PTPN4: variants seen among roughly 807,000 people sequenced by gnomAD.
The protein encoded by PTPN4 is tyrosine-protein phosphatase non-receptor type 4.
PTPN4 carries 49 observed loss-of-function variants against 135.5 expected under a neutral mutation model. That is an observed-to-expected ratio of 0.36 (90% CI 0.29 to 0.46). The LOEUF (loss-of-function observed/expected upper bound fraction) is 0.46. Ranked by LOEUF, PTPN4 falls within the 20% of genes least tolerant of loss-of-function variation. The pLI is 1.00. For synonymous variants in PTPN4, 333 were observed against 369.9 expected, an observed-to-expected ratio of 0.90 and a Z score of 1.14; for missense variants, 860 against 1,101.0, an observed-to-expected ratio of 0.78 and a Z score of 3.10.
In PTPN4 at chr2:119,947,587, C is replaced by T. The variant is rs146264678; in HGVS notation, c.1656+1013C>T. Reference sequence around the variant, plus strand: ...CTCTACAGGAAACTTTTAAAATCATCGACTTTTCTGCTTTTCATCTGTTTC... The same window carrying T: ...CTCTACAGGAAACTTTTAAAATCATTGACTTTTCTGCTTTTCATCTGTTTC... On this transcript the variant is annotated intron_variant, in intron 18 of 26. Transcript: ENST00000263708. Among the ~76,000 whole-genome samples, 80 of 152,190 alleles carry T rather than the reference C, an allele frequency of 5.3e-4. 1 individual carries two copies. The East Asian group carries it at 0.014, about 26-fold the overall frequency.
At chr2:119,960,521 ATC>A (rs1679351298) in intron 22 of PTPN4, among the ~76,000 whole-genome samples, 1 of 152,218 alleles carries the variant, frequency 6.6e-6, no homozygotes, top group Non-Finnish European at 1.5e-5. Context: ...CACACCTGTA[ATC>A]TCAGCACTTT....
intron 2 of PTPN4, among the ~76,000 whole-genome samples, chr2:119,826,670 A>G (rs1677151078): frequency 6.6e-6 from 1 of 152,206 alleles, no homozygotes; most frequent in African/African-American, 2.4e-5. Context: ...TGACAGTGTC[A>G]AAGTTGGAAA....
Position 119,981,167 on chromosome 2 carries a change from GT to G in PTPN4, c.*4099del, listed in dbSNP as rs1280282073. The G allele has an allele frequency of 6.6e-6, 1 of 151,908 alleles. No individual in the cohort carries two copies. The highest frequency in any genetic ancestry group is 1.5e-5 in the Non-Finnish European group (1 of 67,910). The allele number at this position is 151,908 out of a possible 1,614,324, so 9.4% of individuals were successfully genotyped here. The stretch of plus-strand genomic sequence containing the variant: ...TTTATTTTGTGGTAGTTACTTTATA[GT>G]TCAGATGAATTTGCATTTCAGTCAC... On this transcript the variant is annotated 3_prime_UTR_variant, in exon 27 of 27. Transcript: ENST00000263708.
chr2:119,767,229 T>C (rs1690644459), intron 1 of PTPN4, among the ~76,000 whole-genome samples: 1 of 152,186 alleles, frequency 6.6e-6, no homozygotes, highest in Non-Finnish European at 1.5e-5. Context: ...CTGTATCTAA[T>C]TGGATCCTCA....
At chr2:119,924,570 C>G (rs939186065) in intron 12 of PTPN4, among the ~76,000 whole-genome samples, 10 of 152,038 alleles carry the variant, frequency 6.6e-5, no homozygotes, top group Admixed American at 3.9e-4. Context: ...AGAACTTTCT[C>G]ATTGCTCAAA....
chr2:119,825,675 T>C (rs1333081517), intron 2 of PTPN4, among the ~76,000 whole-genome samples: 1 of 151,986 alleles, frequency 6.6e-6, no homozygotes, highest in African/African-American at 2.4e-5. Flanking sequence ...TTTGTATTTT[T>C]AGTAGAGACA....
chr2:119,851,100 G>A (rs899820996), intron 2 of PTPN4, among the ~76,000 whole-genome samples: 3 of 152,204 alleles, frequency 2.0e-5, no homozygotes, highest in Non-Finnish European at 2.9e-5. Flanking sequence ...GGAAGATTGT[G>A]TAGAATTATT....
At chr2:119,954,941 A>G (rs1558773969) in intron 19 of PTPN4, among the ~76,000 whole-genome samples, 1 of 152,144 alleles carries the variant, frequency 6.6e-6, no homozygotes, top group Non-Finnish European at 1.5e-5. Context: ...CAATGTAGCC[A>G]AGAACACTTC....
At chr2:119,917,553 G>A (rs1444367057) in intron 11 of PTPN4, among the ~76,000 whole-genome samples, 2 of 152,066 alleles carry the variant, frequency 1.3e-5, no homozygotes, top group African/African-American at 4.8e-5. Context: ...GGCCCACATG[G>A]CAAAACCCCA....
chr2:119,983,190 C>G lies in PTPN4; in HGVS notation c.*6120C>G, dbSNP rs139575490. 9.7e-4 allele frequency: 147 copies of G among 152,250 alleles called. 1 individual carries two copies. Among genetic ancestry groups the G allele is most frequent in the African/African-American group, 3.4e-3 (141 of 41,544 alleles). 9.4% of individuals were successfully genotyped at this position (152,250 alleles called of 1,614,324 possible). On this transcript the variant is annotated 3_prime_UTR_variant, in exon 27 of 27. Transcript: ENST00000263708. ...CAGGCTCTCTCAACCCTGGGAGTTT[C>G]CAAAATTTAGCAAATATTACTTGTG...
intron 12 of PTPN4, among the ~76,000 whole-genome samples, chr2:119,923,420 G>C (rs1488079272): frequency 6.6e-6 from 1 of 152,064 alleles, no homozygotes; most frequent in Non-Finnish European, 1.5e-5. Flanking sequence ...GTATCTTCAG[G>C]CTTATGTTAC....
intron 2 of PTPN4, among the ~76,000 whole-genome samples, chr2:119,822,846 T>C (rs1368550858): frequency 6.6e-6 from 1 of 152,242 alleles, no homozygotes; most frequent in East Asian, 1.9e-4. Flanking sequence ...CAGTAAGTTA[T>C]TAATTCTTTT....
chr2:119,973,018 G>A (rs1679558939), intron 26 of PTPN4, among the ~76,000 whole-genome samples: 1 of 151,430 alleles, frequency 6.6e-6, no homozygotes, highest in Admixed American at 6.6e-5. Context: ...TTTAATTATG[G>A]CAAAATACAC....
intron 2 of PTPN4, among the ~76,000 whole-genome samples, chr2:119,848,375 G>A (rs193094253): frequency 0.011 from 1,711 of 151,650 alleles, 19 homozygotes; most frequent in Non-Finnish European, 0.017. Flanking sequence ...GGGTTTCACC[G>A]TGTTAGCCAG....
chr2:119,955,206 G>C lies in PTPN4; in HGVS notation c.1863G>C (p.Gln621His), dbSNP rs1356119670. The C allele has an allele frequency of 6.2e-7, 1 of 1,612,896 alleles. No individual in the cohort carries two copies. The highest frequency in any genetic ancestry group is 8.5e-7 in the Non-Finnish European group (1 of 1,179,624). The change falls in exon 20 of 27, where the codon CAG becomes CAC. Residue 621 changes from glutamine to histidine, a missense_variant. Around this residue, in one of 2 missense-constraint regions of PTPN4, gnomAD observed 684 missense variants for 807.0 expected, o/e 0.85. Coordinates refer to ENST00000263708, the MANE Select transcript of PTPN4 (RefSeq NM_002830.4). ...EEKLENEPDFQYIPEKAPLDS... is the reference protein window; with the variant it reads ...EEKLENEPDFHYIPEKAPLDS... ...AGCTAGAAAATGAGCCAGATTTCCA[G>C]TATATTCCTGAGAAAGCCCCACTAG...
At chr2:119,874,267 C>T (rs1677953974) in intron 3 of PTPN4, among the ~76,000 whole-genome samples, 1 of 152,234 alleles carries the variant, frequency 6.6e-6, no homozygotes, top group African/African-American at 2.4e-5. Flanking sequence ...ACAAGTTTGG[C>T]AGTTTCTCAA....
chr2:119,948,227 AATAG>A (rs1302849704), intron 18 of PTPN4, among the ~76,000 whole-genome samples: 1 of 152,162 alleles, frequency 6.6e-6, no homozygotes, highest in Non-Finnish European at 1.5e-5. Context: ...GTACAAAGTT[AATAG>A]ATAATATCTA....
rs781237204 is a variant in PTPN4 at position 119,965,481 on chromosome 2, T to A, written c.2410-16T>A. The A allele has an allele frequency of 6.3e-7, 1 of 1,593,806 alleles. No homozygotes were observed. The highest frequency in any genetic ancestry group is 1.4e-5 in the African/African-American group (1 of 73,782). ...AATACATAAGTCAAGGTGCATAATT[T>A]TTCATTTGTTCTTAGAAAAATGAAA... On this transcript the variant is annotated splice_polypyrimidine_tract_variant and intron_variant, in intron 24 of 26. Coordinates refer to ENST00000263708, the MANE Select transcript of PTPN4 (RefSeq NM_002830.4).
rs1679734276 is a variant in PTPN4, at chr2:119,984,290, T to C, written c.*7220T>C. On this transcript the variant is annotated 3_prime_UTR_variant, in exon 27 of 27. Transcript: ENST00000263708. ...TTTCTATGTGGAGGGTGTTTTAATT[T>C]GGGATTTTTTTTTTCTTGTAACAGG... 6.6e-6 allele frequency among the ~76,000 whole-genome samples: 1 copy of C among 152,172 alleles called. No individual in the cohort carries two copies.
Sources: allele counts gnomAD v4.1 joint callset (sites outside exome capture counted in the v4.1 genomes callset), GRCh38; gene constraint gnomAD v4.1.1; regional missense constraint gnomAD v4.1.1; transcripts MANE v1.5; gene names NCBI Gene and HGNC (gene_info 2026-07-23, HGNC 2026-07-21).